ADRA1A: variants seen among roughly 807,000 people sequenced by gnomAD.
ADRA1A encodes the protein alpha-1A adrenergic receptor.
A neutral mutation model predicts 29.6 loss-of-function variants in ADRA1A; 31 were observed. The observed-to-expected ratio is 1.05, with a 90% CI of 0.79 to 1.41. The LOEUF is 1.41. ADRA1A is among the 40% of genes most tolerant of loss of function. ADRA1A has a pLI of 0.00. For synonymous variants in ADRA1A, 311 were observed against 254.3 expected (o/e 1.22, Z -2.12); for missense variants, 619 against 601.1 (o/e 1.03, Z -0.31).
downstream of ADRA1A, among the ~76,000 whole-genome samples, chr8:26,754,797 C>T (rs1403988114): frequency 6.6e-6 from 1 of 152,166 alleles, no homozygotes; most frequent in African/African-American, 2.4e-5. Flanking sequence ...AAAAGTGCAG[C>T]TTCAAGTCTG....
downstream of ADRA1A, among the ~76,000 whole-genome samples, chr8:26,756,239 C>CA (rs1453892266): frequency 5.3e-5 from 8 of 152,194 alleles, no homozygotes; most frequent in Admixed American, 3.9e-4. Context: ...CCAATTACTT[C>CA]AAAAATGTCT....
downstream of ADRA1A, among the ~76,000 whole-genome samples, chr8:26,768,656 T>A (rs993140658): frequency 2.0e-5 from 3 of 152,138 alleles, 1 homozygote; most frequent in South Asian, 6.2e-4. Flanking sequence ...GCATATGAGG[T>A]GTATATGAAA....
At chr8:26,765,998 C>A (rs1417828907), downstream of ADRA1A, 2 of 1,609,116 alleles carry the variant, frequency 1.2e-6, no homozygotes. Flanking sequence ...ATAGCCATAG[C>A]TTCCAGCTGA....
intron 2 of ADRA1A, among the ~76,000 whole-genome samples, chr8:26,799,145 G>T (rs1350979158): frequency 1.3e-5 from 2 of 151,976 alleles, no homozygotes; most frequent in Admixed American, 6.6e-5. Context: ...ACAGTAATGG[G>T]TATGATATAC....
chr8:26,857,983 A>G (rs1165140238), intron 2 of ADRA1A, among the ~76,000 whole-genome samples: 1 of 152,214 alleles, frequency 6.6e-6, no homozygotes, highest in Non-Finnish European at 1.5e-5. Context: ...GGCAAACAGT[A>G]TATGTTCAAT....
At chr8:26,833,503 G>T (rs1048409110) in intron 2 of ADRA1A, among the ~76,000 whole-genome samples, 2 of 152,170 alleles carry the variant, frequency 1.3e-5, no homozygotes. Context: ...TTTGCATAGG[G>T]TGCTGGAAAA....
At chr8:26,845,268 A>T (rs1252332179) in intron 2 of ADRA1A, among the ~76,000 whole-genome samples, 1 of 152,252 alleles carries the variant, frequency 6.6e-6, no homozygotes, top group Non-Finnish European at 1.5e-5. Context: ...CAATTAAAAA[A>T]TGGGCAAAGG....
chr8:26,756,851 G>A (rs374150661), intron 2 of ADRA1A: 23 of 1,573,196 alleles, frequency 1.5e-5, no homozygotes, highest in African/African-American at 4.1e-5. Context: ...ATGCATCAAT[G>A]TGATCACAAT....
chr8:26,830,429 T>A (rs1810891481), intron 2 of ADRA1A, among the ~76,000 whole-genome samples: 1 of 152,258 alleles, frequency 6.6e-6, no homozygotes, highest in East Asian at 1.9e-4. Flanking sequence ...AATGTACTAA[T>A]CAAGACTCCC....
chr8:26,807,320 C>T (rs756958856), intron 2 of ADRA1A, among the ~76,000 whole-genome samples: 2 of 152,042 alleles, frequency 1.3e-5, no homozygotes, highest in East Asian at 3.9e-4. Flanking sequence ...TAAGAAGGTA[C>T]AAGAATCAAG....
Position 26,864,942 on chromosome 8 carries a change from C to T in ADRA1A, c.28G>A (p.Asp10Asn), listed in dbSNP as rs1010863998. MVFLSGNASDSSNCTQPPAP... is the reference protein window; with the variant it reads MVFLSGNASNSSNCTQPPAP... The stretch of plus-strand genomic sequence containing the variant: ...GGCGGTTGGGTGCAGTTGGAGCTGT[C>T]GGAAGCATTTCCCGAGAGAAACACC... The change falls in exon 2 of 3, where the codon GAC (aspartate) becomes AAC (asparagine). Residue 10 changes from aspartate (D) to asparagine (N), a missense_variant. By Grantham distance (23) the Asp-to-Asn change is conservative (BLOSUM62 1). Transcript: ENST00000380573. This position sits in a 1 kb window ranked among gnomAD's most constrained non-coding sequence, Gnocchi z 8.1. 1 of 1,610,254 alleles carries T rather than the reference C, an allele frequency of 6.2e-7. No individual in the cohort carries two copies. The highest frequency in any genetic ancestry group is 8.5e-7 in the Non-Finnish European group (1 of 1,179,074).
intron 2 of ADRA1A, among the ~76,000 whole-genome samples, chr8:26,791,103 T>G (rs4732877): frequency 0.36 from 54,805 of 152,050 alleles, 11,656 homozygotes; most frequent in East Asian, 0.84. Context: ...ACATGCTTTT[T>G]ACCAGCCTTT....
intron 2 of ADRA1A, among the ~76,000 whole-genome samples, chr8:26,832,987 C>T (rs1283650793): frequency 6.6e-6 from 1 of 152,130 alleles, no homozygotes; most frequent in Non-Finnish European, 1.5e-5. Flanking sequence ...CCTCCCAGCA[C>T]CATAGGGAAG....
At chr8:26,826,011 A>T (rs961272881) in intron 2 of ADRA1A, among the ~76,000 whole-genome samples, 2 of 152,222 alleles carry the variant, frequency 1.3e-5, no homozygotes, top group African/African-American at 4.8e-5. Flanking sequence ...GAAGATGGCC[A>T]GCTCACTTAC....
At chr8:26,789,047 C>T (rs1301344838) in intron 2 of ADRA1A, among the ~76,000 whole-genome samples, 2 of 152,150 alleles carry the variant, frequency 1.3e-5, no homozygotes, top group South Asian at 4.1e-4. Context: ...ACACGTCATC[C>T]AGGTTCCAAG....
At chr8:26,755,179 A>T (rs1169744634), downstream of ADRA1A, among the ~76,000 whole-genome samples, 1 of 150,582 alleles carries the variant, frequency 6.6e-6, no homozygotes, top group Non-Finnish European at 1.5e-5. Context: ...GTATGAAGAG[A>T]AAGAAATAGA....
At chr8:26,844,808 A>G (rs1407558316) in intron 2 of ADRA1A, among the ~76,000 whole-genome samples, 3 of 152,300 alleles carry the variant, frequency 2.0e-5, no homozygotes, top group South Asian at 2.1e-4. Flanking sequence ...ATAAGGATAC[A>G]TTTTTGCAAC....
intron 2 of ADRA1A, among the ~76,000 whole-genome samples, chr8:26,794,543 G>A (rs75413636): frequency 0.017 from 2,582 of 152,146 alleles, 28 homozygotes; most frequent in Middle Eastern, 0.031. Context: ...AAATGAATGT[G>A]TGTGACTGTG....
chr8:26,761,927 C>T (rs2130213856), downstream of ADRA1A, among the ~76,000 whole-genome samples: 1 of 152,304 alleles, frequency 6.6e-6, no homozygotes, highest in Non-Finnish European at 1.5e-5. Flanking sequence ...AGAAAGAACA[C>T]CCTTTGCCTG....
Sources: allele counts gnomAD v4.1 joint callset (sites outside exome capture counted in the v4.1 genomes callset), GRCh38; gene constraint gnomAD v4.1.1; non-coding constraint Gnocchi (gnomAD v3.1); transcripts MANE v1.5; gene names NCBI Gene and HGNC (gene_info 2026-07-23, HGNC 2026-07-21).